The following UBASH3A variants were observed in gnomAD, a reference collection of about 807,000 sequenced individuals.
The protein encoded by UBASH3A is ubiquitin-associated and SH3 domain-containing protein A.
A neutral mutation model predicts 73.5 loss-of-function variants in UBASH3A; 63 were observed. The observed-to-expected ratio is 0.86, with a 90% confidence interval of 0.70 to 1.06. UBASH3A has a LOEUF of 1.06. Among genes scored for constraint, UBASH3A ranks in the 50% least tolerant of loss-of-function variants. UBASH3A has a pLI of 0.00. For synonymous variants in UBASH3A, 363 were observed against 351.1 expected, an observed-to-expected ratio of 1.03 and a Z score of -0.38; for missense variants, 860 against 859.0, an observed-to-expected ratio of 1.00 and a Z score of -0.02.
chr21:42,435,642 A>T (rs2053612743), intron 10 of UBASH3A: 1 of 152,236 alleles, frequency 6.6e-6, no homozygotes, highest in South Asian at 2.1e-4. Context: ...TCATAGAGTT[A>T]TAGAGTCATA....
At position 42,409,477 on chromosome 21, in the gene UBASH3A, G is replaced by A. The variant is rs754113534; in HGVS notation, c.223G>A (p.Ala75Thr). The change falls in exon 3 of 15, where the codon GCC becomes ACC. Residue 75 changes from alanine to threonine, a missense_variant. Transcript: ENST00000319294. ...SLDDPIPQEY[A>T]LFLCPTGPLL... Reference sequence around the variant, plus strand: ...AGACGACCCCATCCCCCAGGAGTATGCCCTTTTCCTCTGTCCAACGGGGCC... The same window carrying A: ...AGACGACCCCATCCCCCAGGAGTATACCCTTTTCCTCTGTCCAACGGGGCC... 4 of 1,613,994 alleles carry A rather than the reference G, an allele frequency of 2.5e-6. No individual in the cohort carries two copies. The highest frequency in any genetic ancestry group is 3.4e-6 in the Non-Finnish European group (4 of 1,179,980).
intron 11 of UBASH3A, among the ~76,000 whole-genome samples, chr21:42,439,678 C>T (rs570620006): frequency 5.5e-4 from 81 of 147,790 alleles, no homozygotes; most frequent in Non-Finnish European, 9.4e-4. Context: ...ACACACCACA[C>T]GCCACACACA....
rs2053725927 is a variant in UBASH3A, at chr21:42,440,718, T to C, written c.1487-1734T>C. Among the ~76,000 whole-genome samples the C allele has an allele frequency of 1.4e-4, 22 of 152,330 alleles. No individual in the cohort carries two copies. The South Asian group carries it at 4.6e-3, about 32-fold the overall frequency. ...ACAACAGTCTCCTCTCACTGGGGCT[T>C]TTACTGCCTCAGCCTGCAAGTTTCC... On this transcript the variant is annotated intron_variant, in intron 11 of 14. Transcript: ENST00000319294.
In UBASH3A at chr21:42,416,546, C is replaced by T. The variant is rs761989757; in HGVS notation, c.772C>T (p.Leu258=). The change falls in exon 6 of 15, where the codon CTG becomes TTG. Residue 258 remains leucine (L), a synonymous_variant. Coordinates refer to ENST00000319294, the MANE Select transcript of UBASH3A (RefSeq NM_018961.4). ...TLEQLARAIP[L]GHSCQWTAAL... is the part of the protein sequence containing the mutation. ...GGAGCAGCTGGCCAGAGCCATCCCC[C>T]TGGGCCACAGCTGCCAGTGGACCGC... 4 of 1,610,446 alleles carry T rather than the reference C, an allele frequency of 2.5e-6. No homozygotes were observed. The African/African-American group carries it at 5.4e-5, about 22-fold the overall frequency.
chr21:42,442,713 G>A, intron 12 of UBASH3A, 117 bp downstream of exon 12: 3 of 1,139,060 alleles, frequency 2.6e-6, no homozygotes, highest in Non-Finnish European at 3.7e-6. Flanking sequence ...CACTGCAGTG[G>A]GGTTTTGCAG....
At chr21:42,410,136 A>G (rs78748284) in intron 3 of UBASH3A, 2 of 701,744 alleles carry the variant, frequency 2.9e-6, no homozygotes, top group African/African-American at 1.7e-5. Flanking sequence ...TCTGATTCAG[A>G]AAAAAAATGG....
chr21:42,410,229 A>C, intron 3 of UBASH3A: 1 of 698,248 alleles, frequency 1.4e-6, no homozygotes, highest in Non-Finnish European at 2.6e-6. Context: ...AGAATGTGGG[A>C]GCTGCTCAGG....
chr21:42,409,390 A>G (rs1568908212), intron 2 of UBASH3A, 32 bp from the exon 3 acceptor site: 1 of 1,517,184 alleles, frequency 6.6e-7, no homozygotes, highest in South Asian at 1.3e-5. Flanking sequence ...TTGTTGTGAC[A>G]GTGGGTGATG....
chr21:42,437,455 G>A (rs369656134), intron 10 of UBASH3A, 33 bp from the exon 11 acceptor site: 6 of 1,586,126 alleles, frequency 3.8e-6, no homozygotes, highest in African/African-American at 2.7e-5. Flanking sequence ...GAATTATGAA[G>A]GGGCATTTTC....
In UBASH3A at chr21:42,432,209, C is replaced by G. The variant is rs1195525695; in HGVS notation, c.1270+7C>G. The G allele has an allele frequency of 5.0e-6, 8 of 1,593,222 alleles. No individual in the cohort carries two copies. On this transcript the variant is annotated splice_region_variant and intron_variant, in intron 9 of 14. Coordinates refer to ENST00000319294, the MANE Select transcript of UBASH3A (RefSeq NM_018961.4). ...CAATGCTCCACTCCTGATGGTAGGT[C>G]ACACTCAGGCGGGTCTACGGACAGA...
chr21:42,419,544 G>C (rs2053292139), intron 7 of UBASH3A, among the ~76,000 whole-genome samples: 1 of 152,158 alleles, frequency 6.6e-6, no homozygotes, highest in Admixed American at 6.5e-5. Flanking sequence ...TCCTTTCTGA[G>C]TTCTCCCCGG....
chr21:42,418,681 C>G (rs2053273476), intron 7 of UBASH3A, 72 bp downstream of exon 7: 2 of 1,405,178 alleles, frequency 1.4e-6, no homozygotes, highest in Non-Finnish European at 2.0e-6. Context: ...CACCTGCCAA[C>G]AGTGTGCTTC....
chr21:42,424,113 C>T (rs942176969), intron 7 of UBASH3A, among the ~76,000 whole-genome samples: 2 of 152,084 alleles, frequency 1.3e-5, no homozygotes, highest in African/African-American at 2.4e-5. Context: ...AGCTGACCCA[C>T]GGACTGACAG....
At chr21:42,446,284 T>G (rs1027919514) in intron 14 of UBASH3A, among the ~76,000 whole-genome samples, 1 of 151,896 alleles carries the variant, frequency 6.6e-6, no homozygotes, top group Non-Finnish European at 1.5e-5. Flanking sequence ...TATCAGAAAA[T>G]ACAAAGGGGG....
At position 42,414,305 on chromosome 21, in the gene UBASH3A, T is replaced by C. The variant is rs371972894; in HGVS notation, c.667+782T>C. On this transcript the variant is annotated intron_variant, in intron 5 of 14. Transcript: ENST00000319294. ...CCACTTGGATGGCAGCTTGTGAGTCTGGAGATCGAATCTGCTGAATAATTA... is the reference window on the plus strand; with the variant it reads ...CCACTTGGATGGCAGCTTGTGAGTCCGGAGATCGAATCTGCTGAATAATTA... Among the ~76,000 whole-genome samples, 3 of 152,310 alleles carry C rather than the reference T, an allele frequency of 2.0e-5. 1 individual carries two copies. Among genetic ancestry groups the C allele is most frequent in the East Asian group, 1.9e-4 (1 of 5,190 alleles).
At chr21:42,423,307 C>G (rs535759474) in intron 7 of UBASH3A, among the ~76,000 whole-genome samples, 2 of 152,358 alleles carry the variant, frequency 1.3e-5, no homozygotes, top group East Asian at 1.9e-4. Flanking sequence ...ACATCAAAAT[C>G]ACAGGATGTG....
intron 3 of UBASH3A, among the ~76,000 whole-genome samples, chr21:42,411,062 C>G (rs1946066435): frequency 6.6e-6 from 1 of 150,836 alleles, no homozygotes; most frequent in South Asian, 2.1e-4. Context: ...GATACACACA[C>G]ATACATGCAT....
rs544189456 is a variant in UBASH3A at position 42,416,341 on chromosome 21, T to C, written c.668-101T>C. On this transcript the variant is annotated intron_variant, in intron 5 of 14. Transcript: ENST00000319294. ...CTGAGCGGGCCAAATGAGCTCTGAG[T>C]TCTGAGAGCCCTTGCCTTGTGGAGG... The C allele has an allele frequency of 6.2e-4, 802 of 1,287,732 alleles. 11 individuals are homozygous for C. In the South Asian group the frequency reaches 0.012, roughly 20 times the overall value. The allele number at this position is 1,287,732 out of a possible 1,614,324, so 79.8% of individuals were successfully genotyped here.
At chr21:42,438,965 G>A (rs1372811892) in intron 11 of UBASH3A, among the ~76,000 whole-genome samples, 2 of 152,236 alleles carry the variant, frequency 1.3e-5, no homozygotes, top group Middle Eastern at 3.4e-3. Flanking sequence ...GGGGCCACGA[G>A]GGGCCGGGAC....
Sources: allele counts gnomAD v4.1 joint callset (sites outside exome capture counted in the v4.1 genomes callset), GRCh38; gene constraint gnomAD v4.1.1; transcripts MANE v1.5; gene names NCBI Gene and HGNC (gene_info 2026-07-23, HGNC 2026-07-21).